Variants in TADA2B observed in about 807,000 individuals in gnomAD.
The protein encoded by TADA2B is transcriptional adapter 2-beta.
In TADA2B, 13 loss-of-function variants were observed where a neutral mutation model predicts 34.5. The observed-to-expected ratio is 0.38, with a 90% CI of 0.25 to 0.60. TADA2B has a LOEUF of 0.60. Among genes scored for constraint, TADA2B ranks in the 20% least tolerant of loss-of-function variants. The probability of loss-of-function intolerance (pLI) is 0.65; values close to 1 mark genes in which losing one functional copy is unlikely to be tolerated. For synonymous variants in TADA2B, 240 were observed against 243.4 expected (o/e 0.99, Z 0.13); for missense variants, 442 against 575.0 (o/e 0.77, Z 2.37).
At chr4:7,052,708 A>G (rs1423852129) in intron 1 of TADA2B, 2 of 151,474 alleles carry the variant, frequency 1.3e-5, no homozygotes, top group Non-Finnish European at 2.9e-5. Flanking sequence ...TTTAGGCCAA[A>G]TGCTTCCTGG....
chr4:7,049,132 G>A (rs1294652964), intron 1 of TADA2B, among the ~76,000 whole-genome samples: 2 of 152,114 alleles, frequency 1.3e-5, no homozygotes, highest in Admixed American at 1.3e-4. Flanking sequence ...AGGCTGGAGT[G>A]CAGTGGCACA....
At chr4:7,043,959 C>T in intron 1 of TADA2B, 110 bp downstream of exon 1, 1 of 1,306,096 alleles carries the variant, frequency 7.7e-7, no homozygotes, top group Non-Finnish European at 9.8e-7. Context: ...CTCCGCACCC[C>T]AGAAGGCCCC....
At chr4:7,047,614 G>A (rs374842621) in intron 1 of TADA2B, among the ~76,000 whole-genome samples, 3 of 152,252 alleles carry the variant, frequency 2.0e-5, no homozygotes, top group African/African-American at 7.2e-5. Flanking sequence ...GTGAGAACAG[G>A]CTAGGAGGAA....
In TADA2B at chr4:7,054,809, G is replaced by A. The variant is rs1217555244; in HGVS notation, c.1018G>A (p.Ala340Thr). 4.3e-6 allele frequency: 7 copies of A among 1,613,782 alleles called. No individual in the cohort carries two copies. Among genetic ancestry groups the A allele is most frequent in the Admixed American group, 1.7e-5 (1 of 59,992 alleles). The change falls in exon 2 of 2, where the codon GCC becomes ACC. Residue 340 changes from alanine to threonine, a missense_variant. This residue lies in a region of TADA2B where 114 missense variants were observed against 144.7 expected (regional missense o/e 0.79). Transcript: ENST00000310074. The stretch of plus-strand genomic sequence containing the variant: ...GGAGGACGGCAAAGACAGCGAGTTC[G>A]CCGCCATTGAGAACCTTCCAGGCTT... ...GKEDGKDSEF[A>T]AIENLPGFEL...
At position 7,054,790 on chromosome 4, in the gene TADA2B, C is replaced by T. The variant is rs372684985; in HGVS notation, c.999C>T (p.Asp333=). The change falls in exon 2 of 2, where the codon GAC becomes GAT. Residue 333 remains aspartate (D), a synonymous_variant. Transcript: ENST00000310074. The stretch of plus-strand genomic sequence containing the variant: ...CCGGCTCCAAACGGGGAAAGGAGGA[C>T]GGCAAAGACAGCGAGTTCGCCGCCA... The part of the protein sequence containing the change: ...NLAGSKRGKE[D]GKDSEFAAIE... 62 of 1,613,778 alleles carry T rather than the reference C, an allele frequency of 3.8e-5. 1 individual carries two copies. The Admixed American group carries it at 7.8e-4, about 20-fold the overall frequency.
In TADA2B at chr4:7,055,276, C is replaced by T. The variant is rs964097599; in HGVS notation, c.*222C>T. On this transcript the variant is annotated 3_prime_UTR_variant, in exon 2 of 2. Transcript: ENST00000310074. ...TGTGTGTATTTTAAGTGAGTTCCTG[C>T]GAGTCATACACTGCGATGATGCTCC... 1 of 548,610 alleles carries T rather than the reference C, an allele frequency of 1.8e-6. No individual in the cohort carries two copies. The highest frequency in any genetic ancestry group is 3.2e-6 in the Non-Finnish European group (1 of 312,178). The allele number at this position is 548,610 out of a possible 1,614,324, so 34.0% of individuals were successfully genotyped here. A position where few individuals can be genotyped will look rare whatever the true frequency, so the allele number is the denominator to read the frequency against.
rs1018193033 is a variant in TADA2B, at chr4:7,057,388, A to G, written c.*2334A>G. The G allele has an allele frequency of 1.3e-5, 2 of 152,272 alleles. No individual in the cohort carries two copies. The highest frequency in any genetic ancestry group is 2.1e-4 in the South Asian group (1 of 4,836). 9.4% of individuals were successfully genotyped at this position (152,272 alleles called of 1,614,324 possible). ...TTGGCTGCCTGTTAGCCCATCGACT[A>G]TTCCCGTCACGGTAGTCCTTACCTC... is the stretch of plus-strand genomic sequence containing the variant. On this transcript the variant is annotated 3_prime_UTR_variant, in exon 2 of 2. Transcript: ENST00000310074.
intron 1 of TADA2B, among the ~76,000 whole-genome samples, chr4:7,051,628 C>T (rs1366103684): frequency 2.0e-5 from 3 of 150,790 alleles, no homozygotes; most frequent in African/African-American, 7.3e-5. Context: ...GACAGAGTCT[C>T]GCTCTTTCGC....
At chr4:7,050,858 C>T (rs953744486) in intron 1 of TADA2B, among the ~76,000 whole-genome samples, 4 of 152,350 alleles carry the variant, frequency 2.6e-5, no homozygotes, top group African/African-American at 7.2e-5. Context: ...TGCGCTGCAT[C>T]GTGGGATGGT....
At chr4:7,044,220 G>C (rs1723560762) in intron 1 of TADA2B, among the ~76,000 whole-genome samples, 1 of 152,200 alleles carries the variant, frequency 6.6e-6, no homozygotes, top group African/African-American at 2.4e-5. Flanking sequence ...CCACAGACTC[G>C]ACAGAAAGCG....
Position 7,055,204 on chromosome 4 carries a change from A to G in TADA2B, c.*150A>G. 1.2e-6 allele frequency: 1 copy of G among 804,802 alleles called. No homozygotes were observed. The highest frequency in any genetic ancestry group is 2.7e-5 in the East Asian group (1 of 37,116). 49.9% of individuals were successfully genotyped at this position (804,802 alleles called of 1,614,324 possible). A position where few individuals can be genotyped will look rare whatever the true frequency, so the allele number is the denominator to read the frequency against. On this transcript the variant is annotated 3_prime_UTR_variant, in exon 2 of 2. Coordinates refer to ENST00000310074, the MANE Select transcript of TADA2B (RefSeq NM_152293.3). The stretch of plus-strand genomic sequence containing the variant: ...TAGAAATTCTTTTCATGGTCCTCTG[A>G]AAGAAGCAATAGTAACAATCTTATA...
chr4:7,049,327 C>T (rs1383279840), intron 1 of TADA2B, among the ~76,000 whole-genome samples: 1 of 152,234 alleles, frequency 6.6e-6, no homozygotes, highest in African/African-American at 2.4e-5. Flanking sequence ...GATCCTCCCG[C>T]CTCAGCCCCC....
chr4:7,049,339 A>C (rs1315402229), intron 1 of TADA2B, among the ~76,000 whole-genome samples: 1 of 152,214 alleles, frequency 6.6e-6, no homozygotes, highest in Non-Finnish European at 1.5e-5. Context: ...TCAGCCCCCG[A>C]AAGTGCTGGG....
At position 7,055,482 on chromosome 4, in the gene TADA2B, C is replaced by A. The variant is rs1249718796; in HGVS notation, c.*428C>A. On this transcript the variant is annotated 3_prime_UTR_variant, in exon 2 of 2. Transcript: ENST00000310074. ...CTCAGGCGGGGCTGCCTGCAGGCTC[C>A]CGTTTTCTGAGCCCACGCTGCCCAC... is the stretch of plus-strand genomic sequence containing the variant. 2 of 164,496 alleles carry A rather than the reference C, an allele frequency of 1.2e-5. No individual in the cohort carries two copies. Among genetic ancestry groups the A allele is most frequent in the Non-Finnish European group, 2.6e-5 (2 of 75,522 alleles). The allele number at this position is 164,496 out of a possible 1,614,324, so 10.2% of individuals were successfully genotyped here. A position where few individuals can be genotyped will look rare whatever the true frequency, so the allele number is the denominator to read the frequency against.
In TADA2B at chr4:7,043,785, G is replaced by A. The variant is rs1216309545; in HGVS notation, c.206G>A (p.Gly69Asp). Residue 69 changes from glycine (G) to aspartate (D), a missense_variant, in exon 1 of 2, where the codon GGC becomes GAC. Physicochemically the swap from Gly to Asp is moderately conservative, Grantham distance 94 (BLOSUM62 -1). Around this residue, in one of 4 missense-constraint regions of TADA2B, gnomAD observed 102 missense variants for 177.2 expected, o/e 0.58. Coordinates refer to ENST00000310074, the MANE Select transcript of TADA2B (RefSeq NM_152293.3). ...FTLWGPEAEG[G>D]WTSREEQLLL... The stretch of plus-strand genomic sequence containing the variant: ...CTCTGGGGGCCCGAGGCCGAGGGCG[G>A]CTGGACCAGTCGCGAGGAGCAGCTG... 1 of 1,555,070 alleles carries A rather than the reference G, an allele frequency of 6.4e-7. No homozygotes were observed. The highest frequency in any genetic ancestry group is 1.8e-5 in the Admixed American group (1 of 56,700).
chr4:7,051,293 G>A (rs960463376), intron 1 of TADA2B, among the ~76,000 whole-genome samples: 2 of 152,172 alleles, frequency 1.3e-5, no homozygotes, highest in Non-Finnish European at 2.9e-5. Context: ...AGCACACGCT[G>A]TGGCCGCACC....
intron 1 of TADA2B, among the ~76,000 whole-genome samples, chr4:7,052,184 C>T (rs371352213): frequency 7.9e-5 from 12 of 152,240 alleles, no homozygotes; most frequent in East Asian, 5.8e-4. Context: ...AAGCTGGTGT[C>T]GAGGGCTGGA....
intron 1 of TADA2B, among the ~76,000 whole-genome samples, chr4:7,049,997 C>T (rs1482047219): frequency 1.3e-5 from 2 of 152,226 alleles, no homozygotes; most frequent in African/African-American, 4.8e-5. Flanking sequence ...CAGCCTGGAG[C>T]CCATGCGGCA....
At chr4:7,051,816 C>G (rs1723776069) in intron 1 of TADA2B, among the ~76,000 whole-genome samples, 2 of 152,304 alleles carry the variant, frequency 1.3e-5, no homozygotes, top group South Asian at 4.1e-4. Flanking sequence ...CCAGGATGGT[C>G]TCGATCTCCT....
Sources: allele counts gnomAD v4.1 joint callset (sites outside exome capture counted in the v4.1 genomes callset), GRCh38; gene constraint gnomAD v4.1.1; regional missense constraint gnomAD v4.1.1; transcripts MANE v1.5; gene names NCBI Gene and HGNC (gene_info 2026-07-23, HGNC 2026-07-21).